The following PTPRM variants were observed in gnomAD, a reference collection of about 807,000 sequenced individuals.
PTPRM encodes protein tyrosine phosphatase receptor type M.
A neutral mutation model predicts 186.7 loss-of-function variants in PTPRM; 47 were observed. The ratio of observed to expected loss-of-function variants is 0.25; its 90% CI spans 0.20 to 0.32. The LOEUF (loss-of-function observed/expected upper bound fraction) is 0.32, where lower values mean the gene tolerates loss of function less well. Among genes scored for constraint, PTPRM ranks in the 10% least tolerant of loss-of-function variants. The pLI is 1.00. For synonymous variants in PTPRM, 668 were observed against 674.9 expected (o/e 0.99, Z 0.16); for missense variants, 1,494 against 1,865.0 (o/e 0.80, Z 3.66).
intron 2 of PTPRM, among the ~76,000 whole-genome samples, chr18:7,858,675 A>G (rs2047204527): frequency 6.6e-6 from 1 of 152,246 alleles, no homozygotes; most frequent in African/African-American, 2.4e-5. Context: ...AGAATACTTA[A>G]CGCAGTGCGT....
intron 7 of PTPRM, among the ~76,000 whole-genome samples, chr18:7,990,837 G>C (rs781281718): frequency 1.3e-5 from 2 of 152,154 alleles, no homozygotes; most frequent in African/African-American, 4.8e-5. Context: ...GGGCCTGGGG[G>C]ACGGGGGATG....
At chr18:7,888,724 A>G (rs1243492570) in intron 3 of PTPRM, among the ~76,000 whole-genome samples, 1 of 152,306 alleles carries the variant, frequency 6.6e-6, no homozygotes, top group East Asian at 1.9e-4. Context: ...CATGGAATCC[A>G]CCTAGGTGTC....
intron 21 of PTPRM, among the ~76,000 whole-genome samples, chr18:8,317,092 A>C (rs2095313812): frequency 1.3e-5 from 2 of 152,040 alleles, no homozygotes; most frequent in Non-Finnish European, 1.5e-5. Flanking sequence ...CAGTCGTTAG[A>C]GGTATCTGAG....
chr18:7,738,046 A>G (rs973073621), intron 1 of PTPRM, among the ~76,000 whole-genome samples: 1 of 152,184 alleles, frequency 6.6e-6, no homozygotes, highest in Non-Finnish European at 1.5e-5. Flanking sequence ...CTTTTTCCAT[A>G]GACATAGAGT....
chr18:7,769,457 T>C (rs1428413616), intron 1 of PTPRM, among the ~76,000 whole-genome samples: 2 of 152,210 alleles, frequency 1.3e-5, no homozygotes, highest in African/African-American at 2.4e-5. Flanking sequence ...TATTATTTTA[T>C]AGATACTGTA....
At chr18:8,023,831 GACAC>G (rs71354587) in intron 7 of PTPRM, among the ~76,000 whole-genome samples, 1,337 of 110,206 alleles carry the variant, frequency 0.012, 16 homozygotes, top group African/African-American at 0.031. Flanking sequence ...ATTATCAGAA[GACAC>G]ACACACACAC....
intron 1 of PTPRM, among the ~76,000 whole-genome samples, chr18:7,634,856 G>T (rs998163813): frequency 6.6e-6 from 1 of 152,038 alleles, no homozygotes; most frequent in Non-Finnish European, 1.5e-5. Context: ...CCTCTTGTGT[G>T]AATTATTTAC....
chr18:7,699,784 C>T (rs987880641), intron 1 of PTPRM, among the ~76,000 whole-genome samples: 1 of 151,394 alleles, frequency 6.6e-6, no homozygotes, highest in Admixed American at 6.6e-5. Context: ...TTTTTTTAGC[C>T]TATGCCAGGG....
chr18:8,247,745 CG>C (rs1421966040), intron 15 of PTPRM, 99 bp from the exon 16 acceptor site: 5 of 815,220 alleles, frequency 6.1e-6, no homozygotes, highest in Non-Finnish European at 1.0e-5. Flanking sequence ...CCGGAGTCAC[CG>C]TGGGTAGCAT....
At chr18:7,593,166 C>T (rs1475278374) in intron 1 of PTPRM, among the ~76,000 whole-genome samples, 1 of 152,116 alleles carries the variant, frequency 6.6e-6, no homozygotes, top group Admixed American at 6.5e-5. Flanking sequence ...CTTTTTCCCC[C>T]TTAATTGGTT....
chr18:8,050,417 G>T (rs552157910), intron 7 of PTPRM, among the ~76,000 whole-genome samples: 1 of 151,978 alleles, frequency 6.6e-6, no homozygotes, highest in Non-Finnish European at 1.5e-5. Context: ...GAACCTTGGA[G>T]AAAATGTAGT....
chr18:8,359,088 G>A (rs1245903968), intron 23 of PTPRM, among the ~76,000 whole-genome samples: 1 of 141,428 alleles, frequency 7.1e-6, no homozygotes, highest in Non-Finnish European at 1.5e-5. Context: ...AATCCATTAT[G>A]TCCCTTTAAA....
At position 8,046,645 on chromosome 18, in the gene PTPRM, C is replaced by T. The variant is rs141919188; in HGVS notation, c.1133-23041C>T. The stretch of plus-strand genomic sequence containing the variant: ...TCTGGGTCCTCCTTGATGTGGTTTC[C>T]GTGCTTGAATCTATTACATTTTTTT... On this transcript the variant is annotated intron_variant, in intron 7 of 32. Transcript: ENST00000580170. Among the ~76,000 whole-genome samples the T allele has an allele frequency of 4.4e-3, 671 of 152,220 alleles. 2 individuals are homozygous for T. Among genetic ancestry groups the T allele is most frequent in the African/African-American group, 0.016 (647 of 41,520 alleles).
At chr18:8,172,100 G>A (rs2093409743) in intron 14 of PTPRM, among the ~76,000 whole-genome samples, 1 of 152,054 alleles carries the variant, frequency 6.6e-6, no homozygotes, top group Non-Finnish European at 1.5e-5. Context: ...CTCGTTTTCA[G>A]CAATATAAAG....
At chr18:7,884,083 G>C (rs1271730242) in intron 2 of PTPRM, among the ~76,000 whole-genome samples, 1 of 152,122 alleles carries the variant, frequency 6.6e-6, no homozygotes, top group Non-Finnish European at 1.5e-5. Context: ...GGAGGTCGAG[G>C]CTGCTATGAG....
intron 14 of PTPRM, among the ~76,000 whole-genome samples, chr18:8,217,140 G>A (rs1413700653): frequency 6.6e-6 from 1 of 152,172 alleles, no homozygotes; most frequent in Non-Finnish European, 1.5e-5. Flanking sequence ...GGAACATGCT[G>A]GCTTGTCATT....
In PTPRM at chr18:7,701,120, A is replaced by C. The variant is rs562217367; in HGVS notation, c.74-73029A>C. Among the ~76,000 whole-genome samples, 3 of 151,442 alleles carry C rather than the reference A, an allele frequency of 2.0e-5. No individual in the cohort carries two copies. The East Asian group carries it at 5.9e-4, about 30-fold the overall frequency. On this transcript the variant is annotated intron_variant, in intron 1 of 32. Transcript: ENST00000580170. ...AGAGTTCGAGACCACCCTGGACAACATGGTGAAACCCCGTTTCTACTAAAA... is the reference window on the plus strand; with the variant it reads ...AGAGTTCGAGACCACCCTGGACAACCTGGTGAAACCCCGTTTCTACTAAAA...
chr18:8,357,054 G>C (rs2095567160), intron 23 of PTPRM, among the ~76,000 whole-genome samples: 1 of 152,176 alleles, frequency 6.6e-6, no homozygotes. Flanking sequence ...GATGCTTCCT[G>C]TACACTCTGA....
chr18:7,902,595 C>T (rs2049755194), intron 3 of PTPRM, among the ~76,000 whole-genome samples: 1 of 152,192 alleles, frequency 6.6e-6, no homozygotes, highest in East Asian at 1.9e-4. Context: ...CTATCTTGTT[C>T]TATTCTTTCA....
Sources: allele counts gnomAD v4.1 joint callset (sites outside exome capture counted in the v4.1 genomes callset), GRCh38; gene constraint gnomAD v4.1.1; transcripts MANE v1.5; gene names NCBI Gene and HGNC (gene_info 2026-07-23, HGNC 2026-07-21).